CNTN6: variants seen among roughly 807,000 people sequenced by gnomAD.
CNTN6 encodes contactin-6.
A neutral mutation model predicts 122.8 loss-of-function variants in CNTN6; 137 were observed. The ratio of observed to expected loss-of-function variants is 1.12; its 90% CI spans 0.97 to 1.29. The LOEUF is 1.29. CNTN6 is among the 50% of genes most tolerant of loss of function. The pLI is 0.00. For synonymous variants in CNTN6, 570 were observed against 426.0 expected (o/e 1.34, Z -4.16); for missense variants, 1,634 against 1,223.4 (o/e 1.34, Z -5.01).
chr3:1,205,776 T>C (rs905334439), intron 2 of CNTN6, among the ~76,000 whole-genome samples: 9 of 152,130 alleles, frequency 5.9e-5, no homozygotes, highest in Admixed American at 1.3e-4. Context: ...ACCACACATG[T>C]GTAGGTGATA....
rs556204304 is a variant in CNTN6 at position 1,298,289 on chromosome 3, G to A, written c.761+298G>A. 108 of 221,440 alleles carry A rather than the reference G, an allele frequency of 4.9e-4. 1 individual carries two copies. The highest frequency in any genetic ancestry group is 2.1e-3 in the South Asian group (19 of 9,244). The allele number at this position is 221,440 out of a possible 1,614,324, so 13.7% of individuals were successfully genotyped here. A position where few individuals can be genotyped will look rare whatever the true frequency, so the allele number is the denominator to read the frequency against. ...ACATTGCAAGGGAATAAGTGCACTC[G>A]TATAAGATGATGGGCAAGTCACTAA... On this transcript the variant is annotated intron_variant, in intron 7 of 22. Transcript: ENST00000446702.
At chr3:1,320,062 A>G (rs1333092502) in intron 7 of CNTN6, among the ~76,000 whole-genome samples, 1 of 151,678 alleles carries the variant, frequency 6.6e-6, no homozygotes, top group Non-Finnish European at 1.5e-5. Context: ...TGAATGAAAA[A>G]GAACATCAGT....
intron 1 of CNTN6, among the ~76,000 whole-genome samples, chr3:1,094,949 A>G (rs2090444612): frequency 6.6e-6 from 1 of 152,128 alleles, no homozygotes; most frequent in Non-Finnish European, 1.5e-5. Context: ...ACTATACATA[A>G]AAGTTCAAAA....
intron 2 of CNTN6, among the ~76,000 whole-genome samples, chr3:1,167,615 G>C (rs777873815): frequency 6.6e-6 from 1 of 151,942 alleles, no homozygotes; most frequent in Non-Finnish European, 1.5e-5. Flanking sequence ...TAAACATACC[G>C]TAAGTCCCTC....
At chr3:1,300,603 A>AAGAAAGAAAGAG (rs1330480945) in intron 7 of CNTN6, among the ~76,000 whole-genome samples, 1 of 117,266 alleles carries the variant, frequency 8.5e-6, no homozygotes, top group Non-Finnish European at 1.6e-5. Flanking sequence ...GAAAGAAAGA[A>AAGAAAGAAAGAG]AGAGAGAAAG....
At chr3:1,236,139 A>G (rs992758673) in intron 4 of CNTN6, among the ~76,000 whole-genome samples, 7 of 151,564 alleles carry the variant, frequency 4.6e-5, no homozygotes, top group African/African-American at 1.7e-4. Context: ...GTGTCCTGGT[A>G]GCCAAAGACA....
At chr3:1,176,506 G>A (rs1324460946) in intron 2 of CNTN6, among the ~76,000 whole-genome samples, 6 of 152,120 alleles carry the variant, frequency 3.9e-5, no homozygotes, top group African/African-American at 1.4e-4. Flanking sequence ...CAACGGTGAT[G>A]GAGAAATATT....
intron 5 of CNTN6, among the ~76,000 whole-genome samples, chr3:1,285,459 A>C (rs1694167054): frequency 6.6e-6 from 1 of 152,110 alleles, no homozygotes; most frequent in Non-Finnish European, 1.5e-5. Context: ...TTTAGGGCAA[A>C]AGCTCTGGTT....
chr3:1,116,308 A>C (rs960963034), intron 1 of CNTN6, among the ~76,000 whole-genome samples: 11 of 152,286 alleles, frequency 7.2e-5, no homozygotes, highest in African/African-American at 2.2e-4. Flanking sequence ...AAATCGAAGG[A>C]ATGAGTGGAT....
intron 4 of CNTN6, among the ~76,000 whole-genome samples, chr3:1,245,269 ATATATACACACAC>A (rs1490557380): frequency 6.6e-4 from 3 of 4,564 alleles, no homozygotes; most frequent in Non-Finnish European, 8.1e-4. Flanking sequence ...ATATATATAT[ATATATACACACAC>A]ATATATATAT....
intron 12 of CNTN6, among the ~76,000 whole-genome samples, chr3:1,358,340 G>T (rs1706919744): frequency 1.3e-5 from 2 of 151,760 alleles, no homozygotes; most frequent in Non-Finnish European, 2.9e-5. Context: ...GTTAAGAATT[G>T]GAAATTTAGT....
chr3:1,177,099 TG>T lies in CNTN6; in HGVS notation c.55+29039del, dbSNP rs2093465169. ...GAGGAAACAATCACAAAGTTCCAAC[TG>T]GGAACCCTTCTCCATGGCCTGGGAT... is the stretch of plus-strand genomic sequence containing the variant. On this transcript the variant is annotated intron_variant, in intron 2 of 22. Coordinates refer to ENST00000446702, the MANE Select transcript of CNTN6 (RefSeq NM_001289080.2). 3.3e-5 allele frequency among the ~76,000 whole-genome samples: 5 copies of T among 152,312 alleles called. 1 individual carries two copies. Among genetic ancestry groups the T allele is most frequent in the East Asian group, 1.9e-4 (1 of 5,186 alleles).
In CNTN6 at chr3:1,096,902, C is replaced by T. The variant is rs112446152; in HGVS notation, c.-83+3782C>T. 4.0e-3 allele frequency among the ~76,000 whole-genome samples: 609 copies of T among 152,272 alleles called. 3 individuals are homozygous for T. Among genetic ancestry groups the T allele is most frequent in the Non-Finnish European group, 4.9e-3 (334 of 68,026 alleles). ...TTTGCTTCGTTTTTTATCTGCACCA[C>T]GACCACTGCCACCTTTTATATTTCT... On this transcript the variant is annotated intron_variant, in intron 1 of 22. Transcript: ENST00000446702.
At chr3:1,255,103 G>T (rs1224933564) in intron 4 of CNTN6, among the ~76,000 whole-genome samples, 1 of 152,106 alleles carries the variant, frequency 6.6e-6, no homozygotes, top group Non-Finnish European at 1.5e-5. Flanking sequence ...GTAGCTGGGT[G>T]GGGATCCAAG....
chr3:1,169,953 C>T (rs1013455340), intron 2 of CNTN6, among the ~76,000 whole-genome samples: 11 of 151,898 alleles, frequency 7.2e-5, no homozygotes, highest in Admixed American at 3.3e-4. Flanking sequence ...AGAATACTTT[C>T]GCCGGTTGCG....
At chr3:1,393,650 T>TA (rs577181483) in intron 20 of CNTN6, among the ~76,000 whole-genome samples, 158 of 142,662 alleles carry the variant, frequency 1.1e-3, no homozygotes, top group Middle Eastern at 7.1e-3. Flanking sequence ...AAACAAACAT[T>TA]AAAAAAAAAA....
chr3:1,294,101 A>T (rs1001793494), intron 5 of CNTN6, among the ~76,000 whole-genome samples: 1 of 152,176 alleles, frequency 6.6e-6, no homozygotes, highest in African/African-American at 2.4e-5. Flanking sequence ...TACTCCTAGG[A>T]ATCTAACCAA....
chr3:1,376,591 A>G (rs1709903131), intron 16 of CNTN6, among the ~76,000 whole-genome samples: 1 of 152,064 alleles, frequency 6.6e-6, no homozygotes, highest in South Asian at 2.1e-4. Flanking sequence ...TGACTAATAA[A>G]AGGAAAAATT....
chr3:1,263,456 C>T (rs368222981), intron 4 of CNTN6, among the ~76,000 whole-genome samples: 99 of 152,204 alleles, frequency 6.5e-4, no homozygotes, highest in Middle Eastern at 6.8e-3. Context: ...TGACACAATG[C>T]GGCAATACAC....
Sources: gnomAD v4.1 joint callset for allele counts (sites outside exome capture counted in the v4.1 genomes callset) on GRCh38, gnomAD v4.1.1 for gene constraint, MANE v1.5 for transcripts, NCBI Gene and HGNC (gene_info 2026-07-23, HGNC 2026-07-21) for gene names.